SLC44A5: variants seen among roughly 807,000 people sequenced by gnomAD.
SLC44A5 encodes solute carrier family 44 member 5.
A neutral mutation model predicts 101.8 loss-of-function variants in SLC44A5; 57 were observed. That is an observed-to-expected ratio of 0.56 (90% confidence interval 0.45 to 0.70). The LOEUF is 0.70. SLC44A5 is among the 30% of genes least tolerant of loss of function. SLC44A5 has a pLI of 0.00. For synonymous variants in SLC44A5, 281 were observed against 290.9 expected, an observed-to-expected ratio of 0.97 and a Z score of 0.35; for missense variants, 737 against 853.1, an observed-to-expected ratio of 0.86 and a Z score of 1.70.
At position 75,219,341 on chromosome 1, in the gene SLC44A5, G is replaced by A; in HGVS notation, c.1182C>T (p.Phe394=). The change falls in exon 16 of 24, where the codon TTC becomes TTT. Residue 394 remains phenylalanine (F), a synonymous_variant. Transcript: ENST00000370859. ...CICYWVVTAV[F]LATSGVPVYK... ...ATACAGGTACCCCCGATGTCGCCAA[G>A]AAACTGAATAAACTCCATTAAGGAT... 1 of 1,607,330 alleles carries A rather than the reference G, an allele frequency of 6.2e-7. No individual in the cohort carries two copies. The highest frequency in any genetic ancestry group is 1.3e-5 in the African/African-American group (1 of 74,854).
intron 6 of SLC44A5, among the ~76,000 whole-genome samples, chr1:75,273,244 C>G (rs1467792709): frequency 2.0e-5 from 3 of 151,934 alleles, no homozygotes; most frequent in Non-Finnish European, 4.4e-5. Context: ...GTAACCCGAG[C>G]CTTTAGTGAA....
the SLC44A5 span, among the ~76,000 whole-genome samples, chr1:75,633,752 A>G: frequency 6.6e-6 from 1 of 151,840 alleles, no homozygotes; most frequent in African/African-American, 2.4e-5. Flanking sequence ...AACTTCCAAC[A>G]CTATGTTGAA....
At chr1:75,707,138 T>C in the SLC44A5 span, among the ~76,000 whole-genome samples, 1 of 152,230 alleles carries the variant, frequency 6.6e-6, no homozygotes, top group African/African-American at 2.4e-5. Context: ...TATATAATAA[T>C]GGAACTATTT....
At chr1:75,239,355 A>G (rs116250588) in intron 9 of SLC44A5, among the ~76,000 whole-genome samples, 2 of 152,070 alleles carry the variant, frequency 1.3e-5, no homozygotes, top group Non-Finnish European at 2.9e-5. Flanking sequence ...TAAAACCACA[A>G]TTTTAAAGGA....
the SLC44A5 span, among the ~76,000 whole-genome samples, chr1:75,644,352 T>C: frequency 2.3e-5 from 3 of 128,958 alleles, no homozygotes; most frequent in African/African-American, 6.2e-5. Context: ...AAACAAAAGA[T>C]ATAAATAATA....
intron 4 of SLC44A5, among the ~76,000 whole-genome samples, chr1:75,324,710 T>C (rs1656439441): frequency 6.6e-6 from 1 of 152,176 alleles, no homozygotes; most frequent in Admixed American, 6.6e-5. Context: ...TAGCATAAAA[T>C]GAAGAGGATC....
chr1:75,622,495 A>AC, the SLC44A5 span, among the ~76,000 whole-genome samples: 1 of 151,516 alleles, frequency 6.6e-6, no homozygotes, highest in Non-Finnish European at 1.5e-5. Context: ...CTCCACAGAA[A>AC]CCCCCCCAAA....
chr1:75,228,623 A>G (rs1245660122), intron 12 of SLC44A5, among the ~76,000 whole-genome samples: 2 of 151,322 alleles, frequency 1.3e-5, no homozygotes, highest in East Asian at 2.0e-4. Context: ...TTGTGTCTAT[A>G]CTTCTTTTCT....
chr1:75,559,733 C>T (rs1672414767), intron 1 of SLC44A5, among the ~76,000 whole-genome samples: 1 of 151,962 alleles, frequency 6.6e-6, no homozygotes, highest in South Asian at 2.1e-4. Context: ...ATGATACAAT[C>T]CGAAAAGTGA....
upstream of SLC44A5, chr1:75,615,864 G>T (rs542821756): frequency 1.0e-6 from 1 of 988,012 alleles, no homozygotes; most frequent in Non-Finnish European, 1.2e-6. Context: ...CTTGATGCTG[G>T]GGGGCTTTCT....
At chr1:75,702,798 C>T in the SLC44A5 span, among the ~76,000 whole-genome samples, 1 of 151,990 alleles carries the variant, frequency 6.6e-6, no homozygotes, top group Non-Finnish European at 1.5e-5. Flanking sequence ...ACAATGAACT[C>T]CAACAAATTT....
intron 4 of SLC44A5, 46 bp downstream of exon 4, chr1:75,339,536 C>G (rs763216291): frequency 6.6e-6 from 10 of 1,522,452 alleles, no homozygotes; most frequent in Non-Finnish European, 8.1e-6. Flanking sequence ...CCAAAGCTTT[C>G]TGTGTATGTT....
chr1:75,653,409 G>A, the SLC44A5 span, among the ~76,000 whole-genome samples: 1 of 152,130 alleles, frequency 6.6e-6, no homozygotes, highest in East Asian at 1.9e-4. Context: ...TTGAATCCGG[G>A]AGGCAGAGGT....
intron 2 of SLC44A5, among the ~76,000 whole-genome samples, chr1:75,457,891 G>A (rs775759639): frequency 5.9e-5 from 9 of 151,834 alleles, no homozygotes; most frequent in East Asian, 5.8e-4. Flanking sequence ...GTGGAACAAC[G>A]GAGGGAGAAA....
chr1:75,644,507 T>C, the SLC44A5 span, among the ~76,000 whole-genome samples: 1 of 152,004 alleles, frequency 6.6e-6, no homozygotes, highest in Non-Finnish European at 1.5e-5. Flanking sequence ...TTACTATTTT[T>C]ACTATTATAG....
chr1:75,613,260 T>A (rs1335604193), upstream of SLC44A5, among the ~76,000 whole-genome samples: 1 of 152,228 alleles, frequency 6.6e-6, no homozygotes. Flanking sequence ...CCAGCAAAGT[T>A]CACCCCAGTA....
At chr1:75,699,480 C>T in the SLC44A5 span, among the ~76,000 whole-genome samples, 1,089 of 151,638 alleles carry the variant, frequency 7.2e-3, 11 homozygotes, top group Non-Finnish European at 0.011. Flanking sequence ...CCCGGCCTGC[C>T]CTAAAAAAGG....
chr1:75,635,696 C>T, the SLC44A5 span, among the ~76,000 whole-genome samples: 26 of 150,994 alleles, frequency 1.7e-4, no homozygotes, highest in South Asian at 1.1e-3. Flanking sequence ...TTAGGAGATA[C>T]ACCTAATGCT....
chr1:75,296,944 T>C (rs897263304), intron 5 of SLC44A5, among the ~76,000 whole-genome samples: 22 of 152,286 alleles, frequency 1.4e-4, no homozygotes, highest in Middle Eastern at 6.8e-3. Flanking sequence ...AGTCAGGTGT[T>C]GACTGGGGCT....
Sources: allele counts gnomAD v4.1 joint callset (sites outside exome capture counted in the v4.1 genomes callset), GRCh38; gene constraint gnomAD v4.1.1; transcripts MANE v1.5; gene names NCBI Gene and HGNC (gene_info 2026-07-23, HGNC 2026-07-21).